Variants in SCN11A observed in about 807,000 individuals in gnomAD.
SCN11A encodes sodium channel protein type 11 subunit alpha.
Under a neutral mutation model 162.2 loss-of-function variants are expected in SCN11A, and 122 were observed. That is an observed-to-expected ratio of 0.75 (90% confidence interval 0.65 to 0.87). The LOEUF (loss-of-function observed/expected upper bound fraction) is 0.87. Among genes scored for constraint, SCN11A ranks in the 40% least tolerant of loss-of-function variants. SCN11A has a pLI of 0.00. For missense variants in SCN11A, 2,015 were observed against 2,181.6 expected, an observed-to-expected ratio of 0.92 and a Z score of 1.52; for synonymous variants, 758 against 751.5, an observed-to-expected ratio of 1.01 and a Z score of -0.14.
In SCN11A at chr3:38,850,782, T is replaced by G. The variant is rs768991362; in HGVS notation, c.4057-31A>C. The G allele has an allele frequency of 1.4e-5, 21 of 1,527,164 alleles. No individual in the cohort carries two copies. The East Asian group carries it at 4.8e-4, about 35-fold the overall frequency. The allele number at this position is 1,527,164 out of a possible 1,614,324, so 94.6% of individuals were successfully genotyped here. On this transcript the variant is annotated intron_variant, in intron 28 of 29. Transcript: ENST00000302328. ...AAAAAAAAGAAATTATAAATCATTT[T>G]GAATGCAAGAATAAAATTACATACA...
intron 2 of SCN11A, among the ~76,000 whole-genome samples, chr3:39,025,220 T>G (rs2031558617): frequency 6.6e-6 from 1 of 152,042 alleles, no homozygotes; most frequent in Non-Finnish European, 1.5e-5. Context: ...AGAGAGACCT[T>G]GGTTCTGAGG....
intron 11 of SCN11A, among the ~76,000 whole-genome samples, chr3:38,910,441 T>A (rs1275485122): frequency 6.6e-6 from 1 of 152,228 alleles, no homozygotes; most frequent in East Asian, 1.9e-4. Context: ...CAGTGACACG[T>A]GAACAATGAA....
At chr3:38,929,516 T>C (rs1575304949) in intron 7 of SCN11A, among the ~76,000 whole-genome samples, 1 of 152,194 alleles carries the variant, frequency 6.6e-6, no homozygotes, top group African/African-American at 2.4e-5. Context: ...TTAATTCCAA[T>C]AAACTTAAAA....
chr3:38,953,769 G>A lies in SCN11A; in HGVS notation c.-138-10C>T, dbSNP rs574936097. 1.3e-5 allele frequency among the ~76,000 whole-genome samples: 2 copies of A among 152,264 alleles called. No individual in the cohort carries two copies. The highest frequency in any genetic ancestry group is 3.9e-4 in the East Asian group (2 of 5,188). The stretch of plus-strand genomic sequence containing the variant: ...AAGCTGCCTGGGGAACCTGCAAGTG[G>A]AGAGAACCAAAAGGCACTCGAATAT... On this transcript the variant is annotated splice_polypyrimidine_tract_variant and intron_variant, in intron 3 of 29. Transcript: ENST00000302328.
At chr3:39,024,652 C>T (rs1263667226) in intron 2 of SCN11A, among the ~76,000 whole-genome samples, 1 of 152,108 alleles carries the variant, frequency 6.6e-6, no homozygotes, top group Admixed American at 6.6e-5. Flanking sequence ...GTAAAACTGG[C>T]CATAAAAAAA....
intron 7 of SCN11A, among the ~76,000 whole-genome samples, chr3:38,933,070 A>C (rs1282051781): frequency 1.3e-5 from 2 of 152,138 alleles, no homozygotes; most frequent in Non-Finnish European, 2.9e-5. Flanking sequence ...GTTCACAAAA[A>C]TCCGCTGTTC....
At chr3:38,877,817 C>T (rs1172730153) in intron 23 of SCN11A, among the ~76,000 whole-genome samples, 2 of 147,768 alleles carry the variant, frequency 1.4e-5, no homozygotes, top group African/African-American at 2.5e-5. Flanking sequence ...ATACTATATA[C>T]ATACACCATG....
intron 8 of SCN11A, among the ~76,000 whole-genome samples, chr3:38,925,836 C>T (rs532647670): frequency 1.6e-4 from 25 of 152,322 alleles, no homozygotes; most frequent in African/African-American, 5.8e-4. Context: ...AGTTCCATGC[C>T]CCAAGGCACT....
At chr3:38,854,127 G>A (rs779856543) in intron 28 of SCN11A, among the ~76,000 whole-genome samples, 9 of 151,888 alleles carry the variant, frequency 5.9e-5, no homozygotes, top group Admixed American at 1.3e-4. Flanking sequence ...AAAGTTTTGC[G>A]ACATATGATA....
intron 2 of SCN11A, among the ~76,000 whole-genome samples, chr3:38,975,493 C>T (rs577677532): frequency 1.3e-5 from 2 of 150,776 alleles, no homozygotes; most frequent in Non-Finnish European, 2.9e-5. Context: ...TTCTCAGATC[C>T]TCGTACTGGT....
intron 28 of SCN11A, among the ~76,000 whole-genome samples, chr3:38,862,371 A>G (rs1487234634): frequency 1.3e-5 from 2 of 152,332 alleles, no homozygotes; most frequent in African/African-American, 4.8e-5. Context: ...TATTGGATTC[A>G]GCAATCTCAC....
chr3:38,904,028 C>A lies in SCN11A; in HGVS notation c.1679G>T (p.Cys560Phe). 2 of 1,610,768 alleles carry A rather than the reference C, an allele frequency of 1.2e-6. No homozygotes were observed. Among genetic ancestry groups the A allele is most frequent in the East Asian group, 2.2e-5 (1 of 44,828 alleles). ...CTTCTTAACGCACAGCCACTGGGGG[C>A]AACAGTTCCACACGAGGTACTTGGA... ...LASKYLVWNCCPQWLCVKKVL... is the reference protein window; with the variant it reads ...LASKYLVWNCFPQWLCVKKVL... Residue 560 changes from cysteine to phenylalanine, a missense_variant, in exon 16 of 30, where the codon TGC becomes TTC. By Grantham distance (205) the Cys-to-Phe change is radical (BLOSUM62 -2). Transcript: ENST00000302328.
chr3:39,010,054 G>C (rs1421505968), intron 2 of SCN11A, among the ~76,000 whole-genome samples: 1 of 151,992 alleles, frequency 6.6e-6, no homozygotes, highest in African/African-American at 2.4e-5. Flanking sequence ...AACTATATTA[G>C]ATAGTAGGGG....
intron 7 of SCN11A, among the ~76,000 whole-genome samples, chr3:38,935,839 A>C (rs2066322279): frequency 6.6e-6 from 1 of 152,216 alleles, no homozygotes; most frequent in African/African-American, 2.4e-5. Flanking sequence ...AATCAATAGA[A>C]AAAGAGGGAC....
intron 14 of SCN11A, 150 bp from the exon 15 acceptor site, chr3:38,905,471 T>C (rs928842399): frequency 1.5e-5 from 12 of 794,116 alleles, no homozygotes; most frequent in Non-Finnish European, 2.1e-5. Context: ...ATGCCAAATA[T>C]TCAGTTTTCT....
chr3:38,994,554 C>G (rs1216329579), intron 2 of SCN11A, among the ~76,000 whole-genome samples: 1 of 152,128 alleles, frequency 6.6e-6, no homozygotes, highest in East Asian at 1.9e-4. Context: ...TACTTCTGCC[C>G]TCATATCCAT....
In SCN11A at chr3:38,894,560, G is replaced by T. The variant is rs752052811; in HGVS notation, c.2808C>A (p.Arg936=). The T allele has an allele frequency of 6.2e-7, 1 of 1,611,634 alleles. No homozygotes were observed. Among genetic ancestry groups the T allele is most frequent in the Admixed American group, 1.7e-5 (1 of 59,886 alleles). The part of the protein sequence containing the change: ...VEFSGEDNAQ[R]ITQPEPEQQA... ...GTTGTTCAGGCTCAGGTTGTGTGAT[G>T]CGCTGTGCATTATCTTCACCAGAAA... Residue 936 remains arginine, a synonymous_variant, in exon 19 of 30, where the codon CGC becomes CGA. Transcript: ENST00000302328.
intron 23 of SCN11A, among the ~76,000 whole-genome samples, chr3:38,874,059 A>G (rs993456692): frequency 6.6e-6 from 1 of 152,144 alleles, no homozygotes; most frequent in Non-Finnish European, 1.5e-5. Context: ...TCTTGGGTAC[A>G]TATGCAAGAG....
chr3:38,988,337 T>A (rs2030333816), intron 2 of SCN11A, among the ~76,000 whole-genome samples: 1 of 152,108 alleles, frequency 6.6e-6, no homozygotes, highest in Admixed American at 6.6e-5. Context: ...TCTCTCATTC[T>A]CTGAGCCTAG....
Sources: gnomAD v4.1 joint callset for allele counts (sites outside exome capture counted in the v4.1 genomes callset) on GRCh38, gnomAD v4.1.1 for gene constraint, MANE v1.5 for transcripts, NCBI Gene and HGNC (gene_info 2026-07-23, HGNC 2026-07-21) for gene names.